Variants in GPR39 observed in about 807,000 individuals in gnomAD.
GPR39 encodes the protein zinc sensing receptor.
A neutral mutation model predicts 18.4 loss-of-function variants in GPR39; 23 were observed. That is an observed-to-expected ratio of 1.25 (90% CI 0.90 to 1.77). The LOEUF (loss-of-function observed/expected upper bound fraction) is 1.77. Among genes scored for constraint, GPR39 ranks in the 40% most tolerant of loss-of-function variants. The pLI is 0.00. For missense variants in GPR39, 647 were observed against 602.4 expected (o/e 1.07, Z -0.78); for synonymous variants, 280 against 257.9 (o/e 1.09, Z -0.82).
intron 1 of GPR39, among the ~76,000 whole-genome samples, chr2:132,591,657 G>T (rs569619839): frequency 2.6e-4 from 40 of 152,140 alleles, no homozygotes; most frequent in Non-Finnish European, 4.0e-4. Flanking sequence ...AAAAACTCAA[G>T]TGCCAATGTG....
At chr2:132,513,485 C>G (rs1679276768) in intron 1 of GPR39, among the ~76,000 whole-genome samples, 1 of 150,704 alleles carries the variant, frequency 6.6e-6, no homozygotes, top group Admixed American at 6.6e-5. Context: ...TCTGTGTATT[C>G]CACCGCTAGA....
chr2:132,483,681 G>C (rs994097737), intron 1 of GPR39, among the ~76,000 whole-genome samples: 2 of 152,126 alleles, frequency 1.3e-5, no homozygotes, highest in Admixed American at 6.5e-5. Context: ...TTTTCAGTTT[G>C]TTCACCTATG....
chr2:132,421,079 G>T (rs1679999614), intron 1 of GPR39, among the ~76,000 whole-genome samples: 1 of 152,184 alleles, frequency 6.6e-6, no homozygotes, highest in South Asian at 2.1e-4. Context: ...CTGGATTTCT[G>T]CCTCTTCTGG....
intron 1 of GPR39, among the ~76,000 whole-genome samples, chr2:132,568,527 G>A (rs7577959): frequency 0.083 from 12,568 of 151,950 alleles, 1,868 homozygotes; most frequent in African/African-American, 0.29. Flanking sequence ...CCAACAGGGC[G>A]AAACCCTGTC....
chr2:132,465,714 T>C (rs909865227), intron 1 of GPR39, among the ~76,000 whole-genome samples: 3 of 152,142 alleles, frequency 2.0e-5, no homozygotes, highest in Non-Finnish European at 4.4e-5. Flanking sequence ...AAACAAAAAG[T>C]ATAGGATTTA....
chr2:132,595,797 A>G (rs1222080820), intron 1 of GPR39, among the ~76,000 whole-genome samples: 5 of 152,190 alleles, frequency 3.3e-5, no homozygotes, highest in Non-Finnish European at 5.9e-5. Flanking sequence ...AGCAGCTCCA[A>G]TTTTACTGCT....
chr2:132,520,305 A>G (rs1679399020), intron 1 of GPR39, among the ~76,000 whole-genome samples: 1 of 152,182 alleles, frequency 6.6e-6, no homozygotes, highest in African/African-American at 2.4e-5. Flanking sequence ...ATCAATCATA[A>G]TGCCTATTTG....
intron 1 of GPR39, among the ~76,000 whole-genome samples, chr2:132,483,511 A>G (rs984880697): frequency 1.3e-5 from 2 of 152,328 alleles, no homozygotes; most frequent in Non-Finnish European, 2.9e-5. Flanking sequence ...GACTCTCTCT[A>G]TCATTCAGGC....
rs1004742267 is a variant in GPR39 at position 132,439,559 on chromosome 2, C to CAG, written c.856+21666_856+21667dup. Among the ~76,000 whole-genome samples the CAG allele has an allele frequency of 7.0e-4, 107 of 152,242 alleles. 2 individuals carry two copies. Among genetic ancestry groups the CAG allele is most frequent in the Admixed American group, 5.6e-3 (85 of 15,286 alleles). On this transcript the variant is annotated intron_variant, in intron 1 of 1. Transcript: ENST00000329321. ...AAAAAGCTACCACTCAGAAAGAAAA[C>CAG]AGAGAGTTGAAGGAGTACCCTGATT...
rs140098226 is a variant in GPR39, at chr2:132,446,535, T to C, written c.856+28637T>C. Among the ~76,000 whole-genome samples, 36 of 152,358 alleles carry C rather than the reference T, an allele frequency of 2.4e-4. No individual in the cohort carries two copies. In the East Asian group the frequency reaches 3.9e-3, roughly 16 times the overall value. On this transcript the variant is annotated intron_variant, in intron 1 of 1. Transcript: ENST00000329321. ...AACAAAGAGGGTAAAACTCCTAGCA[T>C]TGTGGAATTGACAGCTTGGTGACGC... is the stretch of plus-strand genomic sequence containing the variant.
chr2:132,599,882 A>T (rs1681009314), intron 1 of GPR39, among the ~76,000 whole-genome samples: 2 of 152,188 alleles, frequency 1.3e-5, no homozygotes, highest in African/African-American at 4.8e-5. Context: ...CAGGAAAATG[A>T]CATTTGGAGT....
At chr2:132,595,846 C>A (rs1680935550) in intron 1 of GPR39, among the ~76,000 whole-genome samples, 1 of 152,132 alleles carries the variant, frequency 6.6e-6, no homozygotes, top group African/African-American at 2.4e-5. Context: ...AATGAAAGTG[C>A]TAGGGAGACT....
At chr2:132,500,642 T>G (rs1679012615) in intron 1 of GPR39, among the ~76,000 whole-genome samples, 1 of 152,180 alleles carries the variant, frequency 6.6e-6, no homozygotes. Context: ...TGAAATAGTG[T>G]CAACAGGATT....
intron 1 of GPR39, among the ~76,000 whole-genome samples, chr2:132,616,748 G>T (rs1681341701): frequency 1.3e-5 from 2 of 152,158 alleles, no homozygotes; most frequent in Admixed American, 1.3e-4. Flanking sequence ...GTGTTTTAAT[G>T]GAGCCATGCA....
intron 1 of GPR39, among the ~76,000 whole-genome samples, chr2:132,572,470 C>T (rs1680457677): frequency 6.6e-6 from 1 of 151,672 alleles, no homozygotes; most frequent in South Asian, 2.1e-4. Flanking sequence ...ACACCACAGT[C>T]TCCCCACAGG....
chr2:132,616,902 G>T (rs1318136609), intron 1 of GPR39, among the ~76,000 whole-genome samples: 6 of 152,300 alleles, frequency 3.9e-5, no homozygotes, highest in African/African-American at 1.4e-4. Context: ...TCCCGCCACG[G>T]TCCCTACTGT....
At position 132,521,708 on chromosome 2, in the gene GPR39, C is replaced by A. The variant is rs867219647; in HGVS notation, c.856+103810C>A. Among the ~76,000 whole-genome samples, 19 of 152,326 alleles carry A rather than the reference C, an allele frequency of 1.2e-4. 1 individual carries two copies. Among genetic ancestry groups the A allele is most frequent in the African/African-American group, 2.6e-4 (11 of 41,574 alleles). ...GATCTTGTTCTTTTTCTTTTCCCCC[C>A]CTTATTAAACAAATTAGCCAAGATG... is the stretch of plus-strand genomic sequence containing the variant. On this transcript the variant is annotated intron_variant, in intron 1 of 1. Transcript: ENST00000329321.
intron 1 of GPR39, among the ~76,000 whole-genome samples, chr2:132,507,630 C>T (rs1272565232): frequency 6.6e-6 from 1 of 152,076 alleles, no homozygotes; most frequent in Non-Finnish European, 1.5e-5. Flanking sequence ...AGGCATGGTC[C>T]CCCACAAAAC....
intron 1 of GPR39, among the ~76,000 whole-genome samples, chr2:132,469,151 G>A (rs1188649101): frequency 6.6e-6 from 1 of 152,168 alleles, no homozygotes; most frequent in African/African-American, 2.4e-5. Flanking sequence ...CTTGGGTGGA[G>A]CCTCCTCTTG....
Sources: allele counts gnomAD v4.1 joint callset (sites outside exome capture counted in the v4.1 genomes callset), GRCh38; gene constraint gnomAD v4.1.1; transcripts MANE v1.5; gene names NCBI Gene and HGNC (gene_info 2026-07-23, HGNC 2026-07-21).